Variants in RB1CC1 observed in about 807,000 individuals in gnomAD.
RB1CC1 encodes RB1-inducible coiled-coil protein 1.
Under a neutral mutation model 177.5 loss-of-function variants are expected in RB1CC1, and 46 were observed. The observed-to-expected ratio is 0.26, with a 90% CI of 0.20 to 0.33. The LOEUF (loss-of-function observed/expected upper bound fraction) is 0.33. Ranked by LOEUF, RB1CC1 falls within the 10% of genes least tolerant of loss-of-function variation. The pLI is 1.00. For synonymous variants in RB1CC1, 666 were observed against 613.6 expected, an observed-to-expected ratio of 1.09 and a Z score of -1.26; for missense variants, 1,703 against 1,816.3, an observed-to-expected ratio of 0.94 and a Z score of 1.13.
intron 8 of RB1CC1, among the ~76,000 whole-genome samples, chr8:52,662,163 A>G (rs1039825471): frequency 2.0e-5 from 3 of 152,034 alleles, no homozygotes; most frequent in Middle Eastern, 3.2e-3. Flanking sequence ...CCCTTAAAAT[A>G]TTTATCGAAA....
chr8:52,673,495 G>T lies in RB1CC1; in HGVS notation c.1002+350C>A, dbSNP rs542912969. 3.1e-4 allele frequency among the ~76,000 whole-genome samples: 47 copies of T among 152,282 alleles called. 1 individual carries two copies. The highest frequency in any genetic ancestry group is 7.2e-4 in the Admixed American group (11 of 15,302). On this transcript the variant is annotated intron_variant, in intron 7 of 23. Transcript: ENST00000025008. ...GTTGCCTCTAAGGAAATAGTGACTG[G>T]AAAGAGTCACACGGGGACTTTCTGG...
intron 1 of RB1CC1, among the ~76,000 whole-genome samples, chr8:52,711,962 G>T (rs1474656617): frequency 6.6e-6 from 1 of 152,178 alleles, no homozygotes; most frequent in African/African-American, 2.4e-5. Context: ...GGCTTTGGGA[G>T]TCCGAGGCAG....
chr8:52,686,161 A>T (rs903613475), intron 2 of RB1CC1: 1 of 152,284 alleles, frequency 6.6e-6, no homozygotes, highest in Non-Finnish European at 1.5e-5. Flanking sequence ...ACAGGTCTGG[A>T]GATCAGAATA....
At position 52,642,584 on chromosome 8, in the gene RB1CC1, T is replaced by C; in HGVS notation, c.4104A>G (p.Ile1368Met). The C allele has an allele frequency of 6.2e-7, 1 of 1,613,696 alleles. No individual in the cohort carries two copies. The highest frequency in any genetic ancestry group is 8.5e-7 in the Non-Finnish European group (1 of 1,179,862). Reference protein sequence around the residue: ...MQQQERDKDLIESLSEDRARL... With the variant: ...MQQQERDKDLMESLSEDRARL... ...GAGCTCGATCTTCAGAAAGTGACTC[T>C]ATCAAATCTGAAGGACACCCAAATT... Residue 1368 changes from isoleucine (I) to methionine (M), a missense_variant, in exon 18 of 24, where the codon ATA (isoleucine) becomes ATG (methionine). Ile to Met is a conservative substitution (Grantham distance 10). Transcript: ENST00000025008.
intron 5 of RB1CC1, among the ~76,000 whole-genome samples, chr8:52,677,939 A>T (rs946152809): frequency 2.6e-5 from 4 of 152,306 alleles, no homozygotes; most frequent in African/African-American, 9.6e-5. Flanking sequence ...GCATGTAGAA[A>T]ATGTAGGAGG....
At chr8:52,699,584 G>A (rs1855801254) in intron 1 of RB1CC1, among the ~76,000 whole-genome samples, 1 of 150,812 alleles carries the variant, frequency 6.6e-6, no homozygotes, top group Non-Finnish European at 1.5e-5. Context: ...AAAGGCAGGT[G>A]GATCACTTGA....
chr8:52,643,416 T>C (rs1299318395), intron 16 of RB1CC1, among the ~76,000 whole-genome samples: 1 of 152,170 alleles, frequency 6.6e-6, no homozygotes, highest in East Asian at 1.9e-4. Context: ...AAAATTTTGC[T>C]TAGGCCGGAC....
At chr8:52,640,377 A>G (rs1358308337) in intron 18 of RB1CC1, among the ~76,000 whole-genome samples, 1 of 152,202 alleles carries the variant, frequency 6.6e-6, no homozygotes, top group Non-Finnish European at 1.5e-5. Context: ...GAGCATTTTG[A>G]ATGTTCTCAC....
chr8:52,624,562 T>C (rs2150363612), intron 23 of RB1CC1, among the ~76,000 whole-genome samples, 155 bp downstream of exon 23: 1 of 152,092 alleles, frequency 6.6e-6, no homozygotes, highest in African/African-American at 2.4e-5. Context: ...TGAATACTTA[T>C]AAATTGCCAG....
chr8:52,698,454 CT>C (rs1277526003), intron 1 of RB1CC1, among the ~76,000 whole-genome samples: 1 of 151,656 alleles, frequency 6.6e-6, no homozygotes, highest in Non-Finnish European at 1.5e-5. Flanking sequence ...TCCCGAGTAG[CT>C]GGGACTACCA....
chr8:52,630,283 T>A (rs1250134096), intron 21 of RB1CC1, among the ~76,000 whole-genome samples, 187 bp downstream of exon 21: 2 of 152,120 alleles, frequency 1.3e-5, no homozygotes. Context: ...GTTTTGGCAA[T>A]CTAAATGTTT....
intron 1 of RB1CC1, among the ~76,000 whole-genome samples, chr8:52,693,898 A>G (rs1855128642): frequency 6.6e-6 from 1 of 152,178 alleles, no homozygotes; most frequent in Non-Finnish European, 1.5e-5. Flanking sequence ...TTACCTATGT[A>G]ACAAACCCAT....
In RB1CC1 at chr8:52,671,470, T is replaced by C. The variant is rs186614122; in HGVS notation, c.1002+2375A>G. Among the ~76,000 whole-genome samples, 70 of 152,252 alleles carry C rather than the reference T, an allele frequency of 4.6e-4. 1 individual carries two copies. The East Asian group carries it at 0.013, about 28-fold the overall frequency. On this transcript the variant is annotated intron_variant, in intron 7 of 23. Transcript: ENST00000025008. ...TTAATAAAATGAGAGTAAAAAACCA[T>C]CTCCAATCAGAGAGAAATCTCATAC...
chr8:52,675,992 T>C (rs1052806771), intron 6 of RB1CC1, among the ~76,000 whole-genome samples: 1 of 152,138 alleles, frequency 6.6e-6, no homozygotes, highest in Non-Finnish European at 1.5e-5. Flanking sequence ...AACTTAAAAT[T>C]TTCCTCCATT....
intron 7 of RB1CC1, 113 bp downstream of exon 7, chr8:52,673,732 C>T (rs1852812530): frequency 1.0e-6 from 1 of 990,820 alleles, no homozygotes; most frequent in South Asian, 2.1e-5. Context: ...CACTCCAAGA[C>T]TCATTTATTT....
At chr8:52,707,870 A>T (rs1022373808) in intron 1 of RB1CC1, among the ~76,000 whole-genome samples, 2 of 152,196 alleles carry the variant, frequency 1.3e-5, no homozygotes, top group African/African-American at 4.8e-5. Context: ...ACTTAGGAAC[A>T]AAATTTACTT....
chr8:52,666,267 T>A (rs1354413332), intron 8 of RB1CC1, among the ~76,000 whole-genome samples: 2 of 151,934 alleles, frequency 1.3e-5, no homozygotes, highest in African/African-American at 2.4e-5. Context: ...GGCTCACACC[T>A]GTAATCCCAG....
intron 16 of RB1CC1, among the ~76,000 whole-genome samples, chr8:52,643,913 T>A (rs991232842): frequency 2.0e-5 from 3 of 151,914 alleles, no homozygotes; most frequent in Admixed American, 6.6e-5. Context: ...ACAGCATTTT[T>A]AATAAAATTT....
chr8:52,697,785 A>C (rs1855575908), intron 1 of RB1CC1, among the ~76,000 whole-genome samples: 1 of 152,252 alleles, frequency 6.6e-6, no homozygotes, highest in African/African-American at 2.4e-5. Flanking sequence ...TTTTAATCAC[A>C]TTCAACATTC....
Sources: allele counts gnomAD v4.1 joint callset (sites outside exome capture counted in the v4.1 genomes callset), GRCh38; gene constraint gnomAD v4.1.1; transcripts MANE v1.5; gene names NCBI Gene and HGNC (gene_info 2026-07-23, HGNC 2026-07-21).